VPS13B: variants seen among roughly 807,000 people sequenced by gnomAD.
VPS13B encodes intermembrane lipid transfer protein VPS13B.
VPS13B carries 285 observed loss-of-function variants against 426.4 expected under a neutral mutation model. The ratio of observed to expected loss-of-function variants is 0.67; its 90% CI spans 0.61 to 0.74. The LOEUF (loss-of-function observed/expected upper bound fraction) is 0.74. Ranked by LOEUF, VPS13B falls within the 30% of genes least tolerant of loss-of-function variation. The pLI is 0.00. For synonymous variants in VPS13B, 1,676 were observed against 1,676.4 expected (o/e 1.00, Z 0.01); for missense variants, 4,537 against 4,782.6 (o/e 0.95, Z 1.51).
Position 99,782,906 on chromosome 8 carries a change from CT to C in VPS13B, c.7780-1405del, listed in dbSNP as rs367724757. On this transcript the variant is annotated intron_variant, in intron 42 of 61. Transcript: ENST00000357162. ...CTTTGGTCTCACTTAGCCAGAAACTCTTTTGGCGATTAGTGTGACTATGAAG... is the reference window on the plus strand; with the variant it reads ...CTTTGGTCTCACTTAGCCAGAAACTCTTTGGCGATTAGTGTGACTATGAAG... Among the ~76,000 whole-genome samples the C allele has an allele frequency of 2.6e-5, 4 of 152,196 alleles. No individual in the cohort carries two copies. The East Asian group carries it at 7.7e-4, about 29-fold the overall frequency.
chr8:99,358,246 C>T (rs188944494), intron 19 of VPS13B, among the ~76,000 whole-genome samples: 150 of 152,232 alleles, frequency 9.9e-4, no homozygotes, highest in African/African-American at 3.4e-3. Flanking sequence ...TTCTAAGAGT[C>T]CATTACATTC....
At chr8:99,700,586 C>A (rs552545146) in intron 36 of VPS13B, among the ~76,000 whole-genome samples, 1 of 152,320 alleles carries the variant, frequency 6.6e-6, no homozygotes, top group South Asian at 2.1e-4. Context: ...TGCTTCTGTG[C>A]CTAGCCTAGC....
chr8:99,640,676 AT>A (rs1428610099), intron 33 of VPS13B, among the ~76,000 whole-genome samples: 3 of 152,170 alleles, frequency 2.0e-5, no homozygotes, highest in Admixed American at 1.3e-4. Context: ...GGTAGAACAA[AT>A]TGTTTCTAAC....
At chr8:99,156,775 A>G (rs775028165) in intron 15 of VPS13B, 32 bp downstream of exon 15, 4 of 1,611,512 alleles carry the variant, frequency 2.5e-6, no homozygotes, top group Non-Finnish European at 3.4e-6. Flanking sequence ...GTTTGTTAGC[A>G]TGGGTTTGGC....
intron 2 of VPS13B, among the ~76,000 whole-genome samples, chr8:99,024,036 T>C (rs976461910): frequency 6.6e-5 from 10 of 152,198 alleles, no homozygotes. Flanking sequence ...GTGTAAGTGT[T>C]CTCTTTTCTT....
In VPS13B at chr8:99,832,476, T is replaced by C; in HGVS notation, c.9438T>C (p.Ser3146=). 1 of 1,612,744 alleles carries C rather than the reference T, an allele frequency of 6.2e-7. No homozygotes were observed. The highest frequency in any genetic ancestry group is 8.5e-7 in the Non-Finnish European group (1 of 1,179,716). The change falls in exon 52 of 62, where the codon AGT becomes AGC. Residue 3146 remains serine, a synonymous_variant. Coordinates refer to ENST00000357162, the MANE Select transcript of VPS13B (RefSeq NM_152564.5). ...LPCWDLMPDI[S]QSVLDASLLQ... ...GCTGGGACTTGATGCCTGACATCAGTCAGTCAGTACTGGATGCATCCCTGC... is the reference window on the plus strand; with the variant it reads ...GCTGGGACTTGATGCCTGACATCAGCCAGTCAGTACTGGATGCATCCCTGC...
At chr8:99,679,119 A>G (rs562144896) in intron 35 of VPS13B, among the ~76,000 whole-genome samples, 2 of 152,260 alleles carry the variant, frequency 1.3e-5, no homozygotes, top group South Asian at 2.1e-4. Flanking sequence ...TTCTTCTGGA[A>G]TAGTTTCCCT....
At chr8:99,812,461 G>T (rs1813761271) in intron 44 of VPS13B, among the ~76,000 whole-genome samples, 2 of 152,156 alleles carry the variant, frequency 1.3e-5, no homozygotes, top group Admixed American at 1.3e-4. Flanking sequence ...GGGCCCATTT[G>T]GGGAGGTGAG....
At chr8:99,240,438 A>G (rs1816862553) in intron 17 of VPS13B, among the ~76,000 whole-genome samples, 1 of 152,206 alleles carries the variant, frequency 6.6e-6, no homozygotes, top group Non-Finnish European at 1.5e-5. Flanking sequence ...GTTGTCTACT[A>G]CATAATATTG....
chr8:99,597,754 G>C (rs1320218095), intron 33 of VPS13B, among the ~76,000 whole-genome samples: 1 of 151,952 alleles, frequency 6.6e-6, no homozygotes. Context: ...GGTTATGTGA[G>C]CAAAATAAAC....
At chr8:99,258,255 T>C (rs978278950) in intron 17 of VPS13B, among the ~76,000 whole-genome samples, 1 of 151,992 alleles carries the variant, frequency 6.6e-6, no homozygotes, top group African/African-American at 2.4e-5. Flanking sequence ...TTGACTAATA[T>C]GAGAAGCAGG....
intron 17 of VPS13B, among the ~76,000 whole-genome samples, chr8:99,270,402 G>A (rs1184984012): frequency 1.3e-5 from 2 of 151,716 alleles, no homozygotes; most frequent in African/African-American, 2.4e-5. Context: ...GCCTCCCAAA[G>A]TGTTGGGATT....
At chr8:99,526,387 C>G (rs909435163) in intron 30 of VPS13B, among the ~76,000 whole-genome samples, 3 of 152,076 alleles carry the variant, frequency 2.0e-5, no homozygotes, top group Admixed American at 2.0e-4. Context: ...TATACTTAAG[C>G]AGATTACTCA....
At chr8:99,250,599 A>G (rs1322138136) in intron 17 of VPS13B, among the ~76,000 whole-genome samples, 2 of 148,472 alleles carry the variant, frequency 1.3e-5, no homozygotes, top group African/African-American at 5.0e-5. Flanking sequence ...TATGTGAGAA[A>G]TTATCTGGCA....
At chr8:99,054,162 CCTG>C (rs1554586685) in intron 3 of VPS13B, among the ~76,000 whole-genome samples, 1 of 152,048 alleles carries the variant, frequency 6.6e-6, no homozygotes, top group Non-Finnish European at 1.5e-5. Flanking sequence ...TCTTTGAGAC[CCTG>C]CTTTCAGTTC....
At chr8:99,851,686 G>A (rs75251638) in intron 55 of VPS13B, among the ~76,000 whole-genome samples, 4 of 152,064 alleles carry the variant, frequency 2.6e-5, no homozygotes, top group Admixed American at 2.6e-4. Flanking sequence ...GGAGGAGCAG[G>A]GAAGAGGCTG....
intron 33 of VPS13B, among the ~76,000 whole-genome samples, chr8:99,640,076 G>A (rs1478204695): frequency 6.9e-6 from 1 of 145,654 alleles, no homozygotes. Flanking sequence ...GAAAAGAAAA[G>A]AAAAGAAAAG....
At chr8:99,382,284 G>T (rs1422706368) in intron 19 of VPS13B, among the ~76,000 whole-genome samples, 1 of 151,994 alleles carries the variant, frequency 6.6e-6, no homozygotes, top group Non-Finnish European at 1.5e-5. Flanking sequence ...TGTTCTTTTA[G>T]CTTAGGATTG....
intron 35 of VPS13B, among the ~76,000 whole-genome samples, chr8:99,665,385 T>G (rs992301036): frequency 6.6e-5 from 10 of 152,322 alleles, no homozygotes; most frequent in Non-Finnish European, 1.0e-4. Context: ...AGACATGAAG[T>G]CCTTGCCCAT....
Sources: allele counts gnomAD v4.1 joint callset (sites outside exome capture counted in the v4.1 genomes callset), GRCh38; gene constraint gnomAD v4.1.1; transcripts MANE v1.5; gene names NCBI Gene and HGNC (gene_info 2026-07-23, HGNC 2026-07-21).